The following CSMD1 variants were observed in gnomAD, a reference collection of about 807,000 sequenced individuals.
The protein encoded by CSMD1 is CUB and sushi domain-containing protein 1.
Under a neutral mutation model 417.5 loss-of-function variants are expected in CSMD1, and 213 were observed. That is an observed-to-expected ratio of 0.51 (90% confidence interval 0.46 to 0.57). The LOEUF (loss-of-function observed/expected upper bound fraction) is 0.57, where lower values mean the gene tolerates loss of function less well. Among genes scored for constraint, CSMD1 ranks in the 20% least tolerant of loss-of-function variants. CSMD1 has a pLI of 0.00. For missense variants in CSMD1, 6,923 were observed against 4,529.7 expected (o/e 1.53, Z -15.17); for synonymous variants, 2,862 against 1,736.8 (o/e 1.65, Z -16.11).
chr8:3,219,206 C>G lies in CSMD1; in HGVS notation c.4672+49G>C, dbSNP rs1391168012. 2.8e-6 allele frequency: 4 copies of G among 1,452,338 alleles called. No individual in the cohort carries two copies. The East Asian group carries it at 7.3e-5, about 27-fold the overall frequency. The allele number at this position is 1,452,338 out of a possible 1,614,324, so 90.0% of individuals were successfully genotyped here. On this transcript the variant is annotated intron_variant, in intron 29 of 69. Coordinates refer to ENST00000635120, the MANE Select transcript of CSMD1 (RefSeq NM_033225.6). ...TACAAAGCAATGCCTACAATAAAAACAGTCCTGATACAAATTAATTCCCAC... is the reference window on the plus strand; with the variant it reads ...TACAAAGCAATGCCTACAATAAAAAGAGTCCTGATACAAATTAATTCCCAC...
chr8:3,164,587 C>A (rs905356578), intron 37 of CSMD1, among the ~76,000 whole-genome samples: 4 of 152,126 alleles, frequency 2.6e-5, no homozygotes, highest in Non-Finnish European at 5.9e-5. Context: ...CCATACATCT[C>A]TGAGTTTTTT....
intron 1 of CSMD1, among the ~76,000 whole-genome samples, chr8:4,768,166 A>C (rs1454886033): frequency 3.3e-5 from 5 of 152,214 alleles, no homozygotes. Context: ...GGTGAAAATT[A>C]GCAGGACATT....
chr8:3,934,774 G>A (rs1000396995), intron 5 of CSMD1, among the ~76,000 whole-genome samples: 6 of 152,064 alleles, frequency 3.9e-5, no homozygotes, highest in African/African-American at 1.2e-4. Flanking sequence ...TTGAACCTGG[G>A]AAGCAGAGGT....
chr8:4,091,090 T>C (rs1040770270), intron 3 of CSMD1, among the ~76,000 whole-genome samples: 1 of 151,968 alleles, frequency 6.6e-6, no homozygotes, highest in African/African-American at 2.4e-5. Context: ...AGCTAATTTT[T>C]GTAATTTTAG....
intron 1 of CSMD1, among the ~76,000 whole-genome samples, chr8:4,650,347 G>GAAAAAAAAA (rs61642390): frequency 1.3e-5 from 1 of 78,252 alleles, no homozygotes; most frequent in African/African-American, 4.3e-5. Flanking sequence ...TCCGTCTCAA[G>GAAAAAAAAA]AAAAAAAAAA....
Position 3,294,527 on chromosome 8 carries a change from G to A in CSMD1, c.3951-10181C>T, listed in dbSNP as rs538621278. On this transcript the variant is annotated intron_variant, in intron 25 of 69. Coordinates refer to ENST00000635120, the MANE Select transcript of CSMD1 (RefSeq NM_033225.6). Reference sequence around the variant, plus strand: ...CATTCAAGCCTTGGCAATGGCGGGCGCCCCTCCCCCAGCCTCGCTGCAGCC... The same window carrying A: ...CATTCAAGCCTTGGCAATGGCGGGCACCCCTCCCCCAGCCTCGCTGCAGCC... Among the ~76,000 whole-genome samples, 349 of 151,382 alleles carry A rather than the reference G, an allele frequency of 2.3e-3. 3 individuals are homozygous for A. Among genetic ancestry groups the A allele is most frequent in the African/African-American group, 8.0e-3 (332 of 41,466 alleles).
At chr8:3,947,536 T>C (rs1422928951) in intron 5 of CSMD1, among the ~76,000 whole-genome samples, 1 of 152,220 alleles carries the variant, frequency 6.6e-6, no homozygotes, top group Non-Finnish European at 1.5e-5. Context: ...CTCTTCTACA[T>C]AACCCACGGG....
At chr8:4,233,446 G>A (rs1416262249) in intron 3 of CSMD1, among the ~76,000 whole-genome samples, 1 of 152,176 alleles carries the variant, frequency 6.6e-6, no homozygotes, top group Non-Finnish European at 1.5e-5. Flanking sequence ...GATGGTATTT[G>A]GAGATGGGAC....
intron 7 of CSMD1, among the ~76,000 whole-genome samples, chr8:3,659,405 C>A (rs1428521876): frequency 2.6e-5 from 4 of 152,182 alleles, no homozygotes; most frequent in Non-Finnish European, 5.9e-5. Context: ...GGTAACGGGT[C>A]TCAGTGTTTA....
intron 9 of CSMD1, 79 bp downstream of exon 9, chr8:3,586,057 T>C (rs889420352): frequency 7.0e-7 from 1 of 1,428,972 alleles, no homozygotes; most frequent in Non-Finnish European, 9.5e-7. Flanking sequence ...CAATGCTTCA[T>C]GCTTAAATTG....
chr8:4,615,174 C>T lies in CSMD1; in HGVS notation c.302+22168G>A, dbSNP rs141886257. ...CAACTACCCATTTCAAATCTATTAT[C>T]GCCCTTACACTCTCCATGCAAAGAG... On this transcript the variant is annotated intron_variant, in intron 2 of 69. Transcript: ENST00000635120. Among the ~76,000 whole-genome samples the T allele has an allele frequency of 5.7e-4, 87 of 152,228 alleles. No individual in the cohort carries two copies. In the East Asian group the frequency reaches 0.015, roughly 26 times the overall value.
At chr8:3,324,302 G>T (rs975864212) in intron 23 of CSMD1, among the ~76,000 whole-genome samples, 6 of 150,944 alleles carry the variant, frequency 4.0e-5, no homozygotes, top group Admixed American at 4.0e-4. Flanking sequence ...CTGAGACCCA[G>T]GAGGGGGAGT....
chr8:4,271,598 G>T (rs879274), intron 3 of CSMD1, among the ~76,000 whole-genome samples: 26,206 of 151,564 alleles, frequency 0.17, 2,972 homozygotes, highest in Non-Finnish European at 0.26. Flanking sequence ...AAAATCTCAG[G>T]TGCCTGAGAA....
chr8:4,991,515 G>T (rs899262181), intron 1 of CSMD1, among the ~76,000 whole-genome samples: 1 of 152,166 alleles, frequency 6.6e-6, no homozygotes, highest in Non-Finnish European at 1.5e-5. Context: ...AAAACTCTGC[G>T]CCTGCCTTCG....
At chr8:3,517,168 C>G (rs1797315502) in intron 10 of CSMD1, among the ~76,000 whole-genome samples, 1 of 152,170 alleles carries the variant, frequency 6.6e-6, no homozygotes, top group African/African-American at 2.4e-5. Flanking sequence ...CATCCCTTCT[C>G]ATGCCTGTCA....
intron 3 of CSMD1, among the ~76,000 whole-genome samples, chr8:4,074,683 T>G (rs1316185328): frequency 6.6e-6 from 1 of 152,110 alleles, no homozygotes; most frequent in African/African-American, 2.4e-5. Flanking sequence ...TACGTTAAAA[T>G]TTTGTATAAA....
At chr8:4,363,593 A>G (rs2128908777) in intron 3 of CSMD1, among the ~76,000 whole-genome samples, 1 of 152,296 alleles carries the variant, frequency 6.6e-6, no homozygotes, top group Non-Finnish European at 1.5e-5. Flanking sequence ...TGGAGGACCC[A>G]TTTCAAAGAG....
intron 5 of CSMD1, among the ~76,000 whole-genome samples, chr8:3,982,187 TAATATTAATAAAAAA>T (rs1444957783): frequency 1.9e-3 from 240 of 128,474 alleles, no homozygotes; most frequent in African/African-American, 6.2e-3. Flanking sequence ...ATAATAATAA[TAATATTAATAAAAAA>T]AATAATAATA....
At chr8:4,155,313 C>T (rs1234201352) in intron 3 of CSMD1, among the ~76,000 whole-genome samples, 1 of 152,200 alleles carries the variant, frequency 6.6e-6, no homozygotes, top group Admixed American at 6.5e-5. Context: ...GCGTTTGGGT[C>T]TCGCATTAGA....
Sources: allele counts gnomAD v4.1 joint callset (sites outside exome capture counted in the v4.1 genomes callset), GRCh38; gene constraint gnomAD v4.1.1; transcripts MANE v1.5; gene names NCBI Gene and HGNC (gene_info 2026-07-23, HGNC 2026-07-21).